Variants in MOK observed in about 807,000 individuals in gnomAD.
MOK encodes the protein MAPK/MAK/MRK overlapping kinase.
MOK carries 59 observed loss-of-function variants against 54.2 expected under a neutral mutation model. The observed-to-expected ratio is 1.09, with a 90% CI of 0.88 to 1.35. The LOEUF (loss-of-function observed/expected upper bound fraction) is 1.35, where lower values mean the gene tolerates loss of function less well. MOK is among the 40% of genes most tolerant of loss of function. The probability of loss-of-function intolerance (pLI) is 0.00; values close to 1 mark genes in which losing one functional copy is unlikely to be tolerated. For synonymous variants in MOK, 210 were observed against 202.7 expected, an observed-to-expected ratio of 1.04 and a Z score of -0.31; for missense variants, 517 against 526.2, an observed-to-expected ratio of 0.98 and a Z score of 0.17.
chr14:102,293,282 T>C (rs2070973255), intron 1 of MOK, among the ~76,000 whole-genome samples: 2 of 152,370 alleles, frequency 1.3e-5, no homozygotes, highest in South Asian at 4.1e-4. Flanking sequence ...TGAAATATTA[T>C]GTAACCATTG....
intron 2 of MOK, among the ~76,000 whole-genome samples, chr14:102,269,525 T>C (rs1845466464): frequency 6.8e-6 from 1 of 147,770 alleles, no homozygotes; most frequent in African/African-American, 2.5e-5. Context: ...CAGGCTAGAG[T>C]GCAGTGGAGT....
chr14:102,297,915 T>G (rs2071629141), intron 1 of MOK, among the ~76,000 whole-genome samples: 1 of 152,216 alleles, frequency 6.6e-6, no homozygotes. Flanking sequence ...GGGCCTCAGC[T>G]GCTACCCACG....
the MOK span, among the ~76,000 whole-genome samples, chr14:102,215,842 C>A: frequency 6.6e-6 from 1 of 152,198 alleles, no homozygotes; most frequent in Non-Finnish European, 1.5e-5. Flanking sequence ...CATTGTCTTA[C>A]TATGAAATAC....
chr14:102,305,039 C>A lies in MOK; in HGVS notation c.-71G>T. The stretch of plus-strand genomic sequence containing the variant: ...AAAAGAAAGAAGCAGGAAGGTTGTC[C>A]CCCTGCTTTCCACTTCCCTGAGGCG... On this transcript the variant is annotated 5_prime_UTR_variant, in exon 1 of 12. Coordinates refer to ENST00000361847, the MANE Select transcript of MOK (RefSeq NM_014226.3). 1.9e-6 allele frequency: 3 copies of A among 1,545,726 alleles called. No individual in the cohort carries two copies. The highest frequency in any genetic ancestry group is 2.3e-5 in the East Asian group (1 of 43,294).
chr14:102,304,751 C>CCAA (rs1464359796), intron 1 of MOK, among the ~76,000 whole-genome samples: 2 of 152,216 alleles, frequency 1.3e-5, no homozygotes, highest in African/African-American at 4.8e-5. Context: ...CAACCTAGCC[C>CCAA]CAACCCCTCA....
At chr14:102,280,688 C>G (rs2153166416) in intron 2 of MOK, 1 of 152,306 alleles carries the variant, frequency 6.6e-6, no homozygotes, top group Admixed American at 6.5e-5. Flanking sequence ...AGTCGTCAAG[C>G]ACTATGACAA....
At chr14:102,224,383 ATC>A, downstream of MOK, 1 of 355,604 alleles carries the variant, frequency 2.8e-6, no homozygotes, top group East Asian at 7.5e-5. Flanking sequence ...GCTCGTGAGC[ATC>A]TGAGTTTAGG....
At position 102,249,118 on chromosome 14, in the gene MOK, C is replaced by T. The variant is rs1336047175; in HGVS notation, c.590+1694G>A. On this transcript the variant is annotated intron_variant, in intron 7 of 11. Coordinates refer to ENST00000361847, the MANE Select transcript of MOK (RefSeq NM_014226.3). The surrounding 1 kb of genome is among the most constrained non-coding windows in gnomAD (Gnocchi z 5.3). ...TGCAGCGACCTTAGCTGCTGGGAGG[C>T]TCCACTCTCCCTTGTGCTTGACCTT... Among the ~76,000 whole-genome samples the T allele has an allele frequency of 1.3e-5, 2 of 151,820 alleles. No homozygotes were observed. The highest frequency in any genetic ancestry group is 4.9e-5 in the African/African-American group (2 of 41,140).
intron 1 of MOK, among the ~76,000 whole-genome samples, chr14:102,300,529 A>G (rs2139337107): frequency 6.6e-6 from 1 of 152,294 alleles, no homozygotes; most frequent in Admixed American, 6.5e-5. Context: ...AGCCTGGGCA[A>G]CAGACTCTAT....
In MOK at chr14:102,284,021, C is replaced by T. The variant is rs76170998; in HGVS notation, c.8-429G>A. Among the ~76,000 whole-genome samples the T allele has an allele frequency of 4.7e-3, 712 of 152,248 alleles. 6 individuals are homozygous for T. Among genetic ancestry groups the T allele is most frequent in the African/African-American group, 0.016 (655 of 41,548 alleles). On this transcript the variant is annotated intron_variant, in intron 1 of 11. Coordinates refer to ENST00000361847, the MANE Select transcript of MOK (RefSeq NM_014226.3). Reference sequence around the variant, plus strand: ...GGTCCTATAGAGGGCCCAGCTGATCCGCAACAGTTTCCTACAATTCTTGCA... The same window carrying T: ...GGTCCTATAGAGGGCCCAGCTGATCTGCAACAGTTTCCTACAATTCTTGCA...
chr14:102,232,099 G>A lies in MOK; in HGVS notation c.867-278C>T, dbSNP rs892853344. ...CACCTCCACAGTTAGGCAAACAGGA[G>A]TGTCCAGAGGTCCGGAATTAGGTGA... On this transcript the variant is annotated intron_variant, in intron 9 of 11. Coordinates refer to ENST00000361847, the MANE Select transcript of MOK (RefSeq NM_014226.3). The surrounding 1 kb of genome is among the most constrained non-coding windows in gnomAD (Gnocchi z 5.1). 2.5e-6 allele frequency: 1 copy of A among 405,820 alleles called. No homozygotes were observed. Among genetic ancestry groups the A allele is most frequent in the Non-Finnish European group, 4.4e-6 (1 of 227,096 alleles). 25.1% of individuals were successfully genotyped at this position (405,820 alleles called of 1,614,324 possible).
chr14:102,294,105 G>T (rs143428387), intron 1 of MOK, among the ~76,000 whole-genome samples: 158 of 150,942 alleles, frequency 1.0e-3, no homozygotes, highest in African/African-American at 3.9e-3. Context: ...TTTGAGACCA[G>T]CCTGGGTAAC....
At chr14:102,271,852 C>A (rs1433830597) in intron 2 of MOK, among the ~76,000 whole-genome samples, 1 of 151,964 alleles carries the variant, frequency 6.6e-6, no homozygotes. Context: ...AGCCACTGCA[C>A]CCAGCCGCAA....
intron 6 of MOK, 26 bp downstream of exon 6, chr14:102,251,730 C>T: frequency 6.5e-7 from 1 of 1,533,812 alleles, no homozygotes; most frequent in Non-Finnish European, 9.0e-7. Context: ...TATTCTGATA[C>T]CCAGCTTTCA....
At chr14:102,286,098 G>A (rs1303535582) in intron 1 of MOK, among the ~76,000 whole-genome samples, 1 of 151,108 alleles carries the variant, frequency 6.6e-6, no homozygotes, top group African/African-American at 2.4e-5. Flanking sequence ...AGAAGATCGA[G>A]ACCATCCTGG....
intron 1 of MOK, among the ~76,000 whole-genome samples, chr14:102,304,026 G>C (rs1272905070): frequency 6.6e-6 from 1 of 152,170 alleles, no homozygotes; most frequent in Non-Finnish European, 1.5e-5. Flanking sequence ...CTACAGCTTT[G>C]TAGTGCATTA....
the MOK span, among the ~76,000 whole-genome samples, chr14:102,216,278 T>C: frequency 5.5e-3 from 838 of 152,192 alleles, 5 homozygotes; most frequent in African/African-American, 0.019. Flanking sequence ...GCCACAAGAG[T>C]GCACAGGGCT....
chr14:102,248,516 C>T (rs963458331), intron 7 of MOK, among the ~76,000 whole-genome samples: 2 of 152,118 alleles, frequency 1.3e-5, no homozygotes, highest in African/African-American at 4.8e-5. Flanking sequence ...CAGTGGCTCA[C>T]GCCTGTGATC....
chr14:102,274,714 C>T (rs1046275395), intron 2 of MOK, among the ~76,000 whole-genome samples: 11 of 151,870 alleles, frequency 7.2e-5, no homozygotes, highest in African/African-American at 2.7e-4. Flanking sequence ...GTAACTCACG[C>T]CTGTAATCCC....
Sources: allele counts gnomAD v4.1 joint callset (sites outside exome capture counted in the v4.1 genomes callset), GRCh38; gene constraint gnomAD v4.1.1; non-coding constraint Gnocchi (gnomAD v3.1); transcripts MANE v1.5; gene names NCBI Gene and HGNC (gene_info 2026-07-23, HGNC 2026-07-21).